FABP7: variants seen among roughly 807,000 people sequenced by gnomAD.
FABP7 encodes fatty acid binding protein 7, also known as fatty acid-binding protein, brain.
FABP7 carries 13 observed loss-of-function variants against 14.2 expected under a neutral mutation model. The ratio of observed to expected loss-of-function variants is 0.91; its 90% CI spans 0.59 to 1.45. The LOEUF is 1.45. Ranked by LOEUF, FABP7 falls within the 40% of genes most tolerant of loss-of-function variation. The pLI is 0.00. For missense variants in FABP7, 149 were observed against 157.6 expected (o/e 0.95, Z 0.29); for synonymous variants, 49 against 51.4 (o/e 0.95, Z 0.20).
At chr6:122,762,028 T>C in the FABP7 span, among the ~76,000 whole-genome samples, 5 of 152,146 alleles carry the variant, frequency 3.3e-5, no homozygotes, top group African/African-American at 1.2e-4. Context: ...GAATCCTCCC[T>C]AACTCATTTT....
chr6:122,765,830 G>A, the FABP7 span, among the ~76,000 whole-genome samples: 2 of 151,920 alleles, frequency 1.3e-5, no homozygotes, highest in African/African-American at 4.8e-5. Flanking sequence ...ATATGCCAAA[G>A]AGACTTTTTT....
upstream of FABP7, among the ~76,000 whole-genome samples, chr6:122,775,145 A>C (rs1780649733): frequency 6.6e-6 from 1 of 152,182 alleles, no homozygotes; most frequent in South Asian, 2.1e-4. Context: ...TCACAGAAAA[A>C]TAAATCCTAA....
the FABP7 span, among the ~76,000 whole-genome samples, chr6:122,773,427 T>A: frequency 6.6e-6 from 1 of 152,218 alleles, no homozygotes. Context: ...ACTTTCTTTT[T>A]TAAATCTATA....
chr6:122,765,972 G>A, the FABP7 span, among the ~76,000 whole-genome samples: 2 of 151,680 alleles, frequency 1.3e-5, no homozygotes, highest in Admixed American at 1.3e-4. Context: ...ATTATATTTT[G>A]CTTCTCTTAT....
chr6:122,782,382 T>C (rs986930325), intron 3 of FABP7: 3 of 541,060 alleles, frequency 5.5e-6, no homozygotes, highest in Non-Finnish European at 7.1e-6. Flanking sequence ...GGATGGCTCC[T>C]GGCAATCATT....
At chr6:122,750,492 A>T in the FABP7 span, among the ~76,000 whole-genome samples, 21 of 152,214 alleles carry the variant, frequency 1.4e-4, no homozygotes, top group Non-Finnish European at 2.4e-4. Context: ...GTACAACCAG[A>T]CATGTGCAAT....
At chr6:122,753,209 A>T in the FABP7 span, among the ~76,000 whole-genome samples, 57,576 of 151,970 alleles carry the variant, frequency 0.38, 11,251 homozygotes, top group Non-Finnish European at 0.44. Flanking sequence ...GGCTATCTGT[A>T]TTGCTGTGCC....
chr6:122,779,491 G>T (rs1562338991), upstream of FABP7: 1 of 402,288 alleles, frequency 2.5e-6, no homozygotes, highest in African/African-American at 2.0e-5. Flanking sequence ...AGGCATAAGG[G>T]CTGTAGTGTG....
At chr6:122,781,644 TAA>T (rs939497972) in intron 3 of FABP7, 1 of 1,055,278 alleles carries the variant, frequency 9.5e-7, no homozygotes, top group Non-Finnish European at 1.1e-6. Flanking sequence ...TTTTAATTTA[TAA>T]AGTTACACAA....
the FABP7 span, among the ~76,000 whole-genome samples, chr6:122,764,994 T>C: frequency 6.6e-6 from 1 of 152,200 alleles, no homozygotes; most frequent in African/African-American, 2.4e-5. Context: ...TAATGTAGTT[T>C]CTTCCTGCAG....
At chr6:122,768,665 G>A in the FABP7 span, among the ~76,000 whole-genome samples, 12 of 152,076 alleles carry the variant, frequency 7.9e-5, no homozygotes, top group Non-Finnish European at 1.6e-4. Context: ...CCAAATAAAT[G>A]AAAATTGGAC....
At chr6:122,776,092 A>G (rs1252970163), upstream of FABP7, among the ~76,000 whole-genome samples, 1 of 152,146 alleles carries the variant, frequency 6.6e-6, no homozygotes, top group East Asian at 1.9e-4. Context: ...AATGTAGATC[A>G]GCCACTATGG....
chr6:122,756,077 C>G, the FABP7 span, among the ~76,000 whole-genome samples: 28 of 152,290 alleles, frequency 1.8e-4, no homozygotes, highest in East Asian at 1.2e-3. Flanking sequence ...TGCGCTCCCC[C>G]CTTTCCCCTC....
At chr6:122,753,367 T>C in the FABP7 span, among the ~76,000 whole-genome samples, 2 of 152,210 alleles carry the variant, frequency 1.3e-5, no homozygotes, top group East Asian at 3.9e-4. Flanking sequence ...TTTCTTTACA[T>C]AGACTTCTGT....
At chr6:122,773,428 TA>T in the FABP7 span, among the ~76,000 whole-genome samples, 1 of 152,210 alleles carries the variant, frequency 6.6e-6, no homozygotes, top group African/African-American at 2.4e-5. Context: ...CTTTCTTTTT[TA>T]AATCTATACT....
upstream of FABP7, among the ~76,000 whole-genome samples, chr6:122,777,450 C>T (rs780274646): frequency 2.6e-5 from 4 of 152,064 alleles, no homozygotes; most frequent in Non-Finnish European, 2.9e-5. Flanking sequence ...GAAGGGAAGT[C>T]GGACATACTT....
chr6:122,754,341 C>T, the FABP7 span, among the ~76,000 whole-genome samples: 1 of 152,062 alleles, frequency 6.6e-6, no homozygotes, highest in African/African-American at 2.4e-5. Flanking sequence ...TCCACCAAAC[C>T]ACCAGCTTCC....
chr6:122,775,011 AC>A (rs1252192531), upstream of FABP7, among the ~76,000 whole-genome samples: 9 of 152,012 alleles, frequency 5.9e-5, no homozygotes, highest in African/African-American at 2.2e-4. Context: ...ATGAAAAAAA[AC>A]ACACAAAAAG....
the FABP7 span, among the ~76,000 whole-genome samples, chr6:122,757,767 A>G: frequency 1.3e-5 from 2 of 152,074 alleles, no homozygotes; most frequent in African/African-American, 4.8e-5. Flanking sequence ...TTCTTTCATG[A>G]TTGGCTGGTT....
Sources: allele counts gnomAD v4.1 joint callset (sites outside exome capture counted in the v4.1 genomes callset), GRCh38; gene constraint gnomAD v4.1.1; transcripts MANE v1.5; gene names NCBI Gene and HGNC (gene_info 2026-07-23, HGNC 2026-07-21).